Variants in AKT2 observed in about 807,000 individuals in gnomAD.
AKT2 encodes the protein RAC-beta serine/threonine-protein kinase.
In AKT2, 16 loss-of-function variants were observed where a neutral mutation model predicts 58.6. The ratio of observed to expected loss-of-function variants is 0.27; its 90% CI spans 0.18 to 0.41. AKT2 has a LOEUF of 0.41. Ranked by LOEUF, AKT2 falls within the 10% of genes least tolerant of loss-of-function variation. The probability of loss-of-function intolerance (pLI) is 1.00; values close to 1 mark genes in which losing one functional copy is unlikely to be tolerated. For missense variants in AKT2, 438 were observed against 661.0 expected (o/e 0.66, Z 3.70); for synonymous variants, 253 against 254.0 (o/e 1.00, Z 0.04).
At chr19:40,276,780 C>T (rs1004140107) in intron 1 of AKT2, among the ~76,000 whole-genome samples, 13 of 152,124 alleles carry the variant, frequency 8.5e-5, no homozygotes, top group Non-Finnish European at 1.3e-4. Context: ...CTTTGGGAGG[C>T]TGAGGGATGT....
At chr19:40,285,062 GCTCGAGGGCCGCGGT>G (rs980841747) in intron 1 of AKT2, 104 bp downstream of exon 1, 2 of 385,902 alleles carry the variant, frequency 5.2e-6, no homozygotes, top group Admixed American at 4.5e-5. Flanking sequence ...TGAAGGAGGG[GCTCGAGGGCCGCGGT>G]CCCCCCGCCG....
chr19:40,265,310 G>A lies in AKT2; in HGVS notation c.-43C>T. 4 of 1,605,902 alleles carry A rather than the reference G, an allele frequency of 2.5e-6. No homozygotes were observed. Among genetic ancestry groups the A allele is most frequent in the Non-Finnish European group, 3.4e-6 (4 of 1,176,484 alleles). The stretch of plus-strand genomic sequence containing the variant: ...CTGTCACCTAGCTCGGGACAGCTCA[G>A]GGCAGCAGGACATGCAGGAGGCACC... On this transcript the variant is annotated 5_prime_UTR_variant, in exon 2 of 14. Coordinates refer to ENST00000392038, the MANE Select transcript of AKT2 (RefSeq NM_001626.6).
At chr19:40,264,721 G>A (rs541389718) in intron 2 of AKT2, among the ~76,000 whole-genome samples, 127 of 142,174 alleles carry the variant, frequency 8.9e-4, no homozygotes, top group Non-Finnish European at 1.5e-3. Flanking sequence ...ATGCCCCCCC[G>A]CCCCCAGCCC....
In AKT2 at chr19:40,235,446, A is replaced by T. The variant is rs1457152116; in HGVS notation, c.1176-96T>A. The T allele has an allele frequency of 9.1e-7, 1 of 1,103,902 alleles. No individual in the cohort carries two copies. The allele number at this position is 1,103,902 out of a possible 1,614,324, so 68.4% of individuals were successfully genotyped here. ...GGCAGGCCCTGTATGGCCCTTAATGATTCTGTCTTGACCACAAACCACTTC... is the reference window on the plus strand; with the variant it reads ...GGCAGGCCCTGTATGGCCCTTAATGTTTCTGTCTTGACCACAAACCACTTC... On this transcript the variant is annotated intron_variant, in intron 11 of 13. Transcript: ENST00000392038. The surrounding 1 kb of genome is among the most constrained non-coding windows in gnomAD (Gnocchi z 6.3).
At chr19:40,273,622 G>C (rs547144522) in intron 1 of AKT2, 1 of 151,942 alleles carries the variant, frequency 6.6e-6, no homozygotes, top group Non-Finnish European at 1.5e-5. Flanking sequence ...GGTTGAAGCC[G>C]TGGGCAGGCT....
intron 1 of AKT2, chr19:40,279,079 C>A (rs959807015): frequency 1.3e-5 from 2 of 152,206 alleles, no homozygotes; most frequent in South Asian, 2.1e-4. Context: ...AGTGGCAAAC[C>A]GAGGAAGACT....
intron 1 of AKT2, among the ~76,000 whole-genome samples, chr19:40,273,787 C>G (rs1363080012): frequency 6.6e-6 from 1 of 152,144 alleles, no homozygotes; most frequent in African/African-American, 2.4e-5. Context: ...GGGCTCCATA[C>G]ACTCTGAGGG....
chr19:40,233,961 GC>G lies in AKT2; in HGVS notation c.1367-11del. ...AAGCCCAGGCTGTCATCTGTGGGCGGCAGAGGTGGATGGGGAGGACCAGTCA... is the reference window on the plus strand; with the variant it reads ...AAGCCCAGGCTGTCATCTGTGGGCGGAGAGGTGGATGGGGAGGACCAGTCA... On this transcript the variant is annotated splice_polypyrimidine_tract_variant and intron_variant, in intron 13 of 13. Coordinates refer to ENST00000392038, the MANE Select transcript of AKT2 (RefSeq NM_001626.6). The surrounding 1 kb of genome is among the most constrained non-coding windows in gnomAD (Gnocchi z 4.3). 6.2e-7 allele frequency: 1 copy of G among 1,609,402 alleles called. No homozygotes were observed. Among genetic ancestry groups the G allele is most frequent in the African/African-American group, 1.3e-5 (1 of 75,022 alleles).
intron 4 of AKT2, among the ~76,000 whole-genome samples, chr19:40,254,639 C>G (rs1190356975): frequency 6.6e-6 from 1 of 151,158 alleles, no homozygotes; most frequent in East Asian, 1.9e-4. Flanking sequence ...ACCAGCCTGG[C>G]TAATATGGAG....
chr19:40,236,957 G>A (rs528339742), intron 9 of AKT2: 43 of 178,568 alleles, frequency 2.4e-4, no homozygotes, highest in Admixed American at 7.6e-4. Flanking sequence ...CCCCTGGAAG[G>A]CCCTGTGTGC....
At chr19:40,236,959 CCT>C in intron 9 of AKT2, 1 of 179,578 alleles carries the variant, frequency 5.6e-6, no homozygotes, top group Non-Finnish European at 1.2e-5. Context: ...CCTGGAAGGC[CCT>C]GTGTGCCCCT....
At position 40,238,995 on chromosome 19, in the gene AKT2, G is replaced by A; in HGVS notation, c.640-22C>T. The A allele has an allele frequency of 6.2e-7, 1 of 1,611,560 alleles. No homozygotes were observed. The highest frequency in any genetic ancestry group is 8.5e-7 in the Non-Finnish European group (1 of 1,178,050). On this transcript the variant is annotated intron_variant, in intron 7 of 13. Coordinates refer to ENST00000392038, the MANE Select transcript of AKT2 (RefSeq NM_001626.6). The surrounding 1 kb of genome is among the most constrained non-coding windows in gnomAD (Gnocchi z 5.1). ...GCGCCTGGGGGATGAAGGCAGCAGG[G>A]TGGGAGGTGGGAGGGAGGAGGGCTC...
rs3730262 is a variant in AKT2, at chr19:40,237,787, T to C, written c.831+182A>G. The C allele has an allele frequency of 0.05, 39,040 of 777,126 alleles. 2,491 individuals are homozygous for C. The highest frequency in any genetic ancestry group is 0.19 in the African/African-American group (9,140 of 47,322). The allele number at this position is 777,126 out of a possible 1,614,324, so 48.1% of individuals were successfully genotyped here. ...CCCTGGACCTTGGTGGGGAGCCTGG[T>C]GAATGAGGGCAGCCACCACCCTGGA... On this transcript the variant is annotated intron_variant, in intron 9 of 13. Transcript: ENST00000392038. The surrounding 1 kb of genome is among the most constrained non-coding windows in gnomAD (Gnocchi z 4.5).
chr19:40,236,199 C>A (rs991288705), intron 10 of AKT2, 58 bp downstream of exon 10: 2 of 1,613,470 alleles, frequency 1.2e-6, no homozygotes, highest in Admixed American at 1.7e-5. Flanking sequence ...ACACACAGGT[C>A]TGGGGGATCC....
chr19:40,252,863 C>T (rs533709690), intron 4 of AKT2, among the ~76,000 whole-genome samples: 5 of 152,336 alleles, frequency 3.3e-5, no homozygotes, highest in African/African-American at 1.2e-4. Flanking sequence ...TGGTCTCGAT[C>T]TGTTTTTACT....
rs980202536 is a variant in AKT2 at position 40,234,802 on chromosome 19, G to C, written c.1366+243C>G. 2.7e-5 allele frequency: 17 copies of C among 621,706 alleles called. No homozygotes were observed. The African/African-American group carries it at 2.9e-4, about 11-fold the overall frequency. 38.5% of individuals were successfully genotyped at this position (621,706 alleles called of 1,614,324 possible). A position where few individuals can be genotyped will look rare whatever the true frequency, so the allele number is the denominator to read the frequency against. On this transcript the variant is annotated intron_variant, in intron 13 of 13. Coordinates refer to ENST00000392038, the MANE Select transcript of AKT2 (RefSeq NM_001626.6). This position sits in a 1 kb window ranked among gnomAD's most constrained non-coding sequence, Gnocchi z 4.7. ...GTGAACCCAGCCAGGCTCAGGGACC[G>C]GGCTGCCTCCTGCCCTGAGCCCCCC...
intron 1 of AKT2, among the ~76,000 whole-genome samples, chr19:40,283,598 T>G (rs2077462059): frequency 6.6e-6 from 1 of 152,132 alleles, no homozygotes; most frequent in Non-Finnish European, 1.5e-5. Flanking sequence ...CTCTGGGAAC[T>G]CCAGACCCAG....
intron 1 of AKT2, among the ~76,000 whole-genome samples, chr19:40,267,051 C>T (rs774370404): frequency 2.0e-5 from 3 of 152,106 alleles, no homozygotes; most frequent in Admixed American, 6.5e-5. Flanking sequence ...ATCCTGCCCG[C>T]GGCCTGGCTC....
chr19:40,282,012 C>T (rs1033347818), intron 1 of AKT2, among the ~76,000 whole-genome samples: 4 of 152,158 alleles, frequency 2.6e-5, no homozygotes, highest in South Asian at 4.1e-4. Flanking sequence ...TGGAGTGGCA[C>T]GGCTGGATTT....
Sources: allele counts gnomAD v4.1 joint callset (sites outside exome capture counted in the v4.1 genomes callset), GRCh38; gene constraint gnomAD v4.1.1; non-coding constraint Gnocchi (gnomAD v3.1); transcripts MANE v1.5; gene names NCBI Gene and HGNC (gene_info 2026-07-23, HGNC 2026-07-21).